The following RABGEF1 variants were observed in gnomAD, a reference collection of about 807,000 sequenced individuals.
RABGEF1 encodes rab5 GDP/GTP exchange factor.
In RABGEF1, 26 loss-of-function variants were observed where a neutral mutation model predicts 57.3. The observed-to-expected ratio is 0.45, with a 90% CI of 0.33 to 0.63. The LOEUF (loss-of-function observed/expected upper bound fraction) is 0.63. RABGEF1 is among the 20% of genes least tolerant of loss of function. RABGEF1 has a pLI of 0.02. For synonymous variants in RABGEF1, 185 were observed against 210.7 expected, an observed-to-expected ratio of 0.88 and a Z score of 1.06; for missense variants, 464 against 607.6, an observed-to-expected ratio of 0.76 and a Z score of 2.48.
intron 1 of RABGEF1, among the ~76,000 whole-genome samples, chr7:66,746,986 G>A (rs1300393019): frequency 6.6e-6 from 1 of 151,924 alleles, no homozygotes; most frequent in Non-Finnish European, 1.5e-5. Flanking sequence ...TAGAGACGGG[G>A]TTTCACCATG....
chr7:66,711,403 TA>T (rs1441763637), intron 1 of RABGEF1, among the ~76,000 whole-genome samples: 1 of 149,230 alleles, frequency 6.7e-6, no homozygotes, highest in Admixed American at 6.7e-5. Flanking sequence ...CTTTTTGTGC[TA>T]ATTTTTTTTT....
intron 1 of RABGEF1, among the ~76,000 whole-genome samples, chr7:66,703,974 G>A (rs999785014): frequency 6.6e-6 from 1 of 152,188 alleles, no homozygotes; most frequent in Non-Finnish European, 1.5e-5. Context: ...TTTCAACAAT[G>A]TTGTGTACTT....
chr7:66,788,242 C>T (rs1811692946), intron 4 of RABGEF1, among the ~76,000 whole-genome samples: 1 of 152,004 alleles, frequency 6.6e-6, no homozygotes, highest in African/African-American at 2.4e-5. Flanking sequence ...GTCAGGATTT[C>T]GAGACCAGCC....
intron 1 of RABGEF1, among the ~76,000 whole-genome samples, chr7:66,691,513 A>T (rs1011033528): frequency 6.6e-6 from 1 of 152,128 alleles, no homozygotes; most frequent in Non-Finnish European, 1.5e-5. Context: ...CAAAAAACAT[A>T]TACACATGGT....
At chr7:66,785,664 G>A (rs1810993808) in intron 4 of RABGEF1, among the ~76,000 whole-genome samples, 1 of 152,122 alleles carries the variant, frequency 6.6e-6, no homozygotes, top group Admixed American at 6.5e-5. Flanking sequence ...CACAAGGTCA[G>A]GAGATAGAGA....
intron 1 of RABGEF1, among the ~76,000 whole-genome samples, chr7:66,761,285 C>T (rs1274373696): frequency 1.3e-5 from 2 of 152,198 alleles, no homozygotes; most frequent in African/African-American, 4.8e-5. Flanking sequence ...AGTGCCCCTC[C>T]TAACCCCCAT....
At chr7:66,803,316 T>C (rs1337705811) in intron 7 of RABGEF1, among the ~76,000 whole-genome samples, 2 of 152,228 alleles carry the variant, frequency 1.3e-5, no homozygotes, top group African/African-American at 4.8e-5. Flanking sequence ...AGGGATGATC[T>C]AAAAGCTGAA....
chr7:66,684,887 G>A (rs1326479716), intron 1 of RABGEF1, among the ~76,000 whole-genome samples: 8 of 152,054 alleles, frequency 5.3e-5, no homozygotes, highest in Non-Finnish European at 1.2e-4. Flanking sequence ...TGCCCGCTTC[G>A]GCCTTCCAAA....
At chr7:66,677,664 A>C (rs527285967), upstream of RABGEF1, among the ~76,000 whole-genome samples, 1 of 150,460 alleles carries the variant, frequency 6.6e-6, no homozygotes, top group Admixed American at 6.7e-5. Flanking sequence ...CGGGAGGCTG[A>C]GGCAGGAGAA....
At chr7:66,659,488 C>G in the RABGEF1 span, among the ~76,000 whole-genome samples, 1 of 147,824 alleles carries the variant, frequency 6.8e-6, no homozygotes, top group Non-Finnish European at 1.5e-5. Context: ...AAAGAAAACA[C>G]TGCCCAACTG....
At chr7:66,807,863 C>G (rs1346711194) in intron 8 of RABGEF1, 2 of 152,062 alleles carry the variant, frequency 1.3e-5, no homozygotes, top group African/African-American at 4.8e-5. Flanking sequence ...CGACTGTTTC[C>G]CAGGCTGGTC....
At chr7:66,698,326 AAC>A (rs1224450791) in intron 1 of RABGEF1, among the ~76,000 whole-genome samples, 3 of 152,140 alleles carry the variant, frequency 2.0e-5, no homozygotes, top group Non-Finnish European at 4.4e-5. Context: ...CTCTGATCAG[AAC>A]CCCCAGGGCA....
rs1346393349 is a variant in RABGEF1, at chr7:66,797,275, A to AT, written c.596-99_596-98insT. On this transcript the variant is annotated intron_variant, in intron 5 of 8. Transcript: ENST00000284957. ...GCCAAGGTCATGCTGCTGCACTCCAACCTGGGCGACAGAGCCAGACTCTTT... is the reference window on the plus strand; with the variant it reads ...GCCAAGGTCATGCTGCTGCACTCCAATCCTGGGCGACAGAGCCAGACTCTTT... 1.5e-5 allele frequency: 20 copies of AT among 1,300,180 alleles called. No individual in the cohort carries two copies. In the African/African-American group the frequency reaches 3.1e-4, roughly 20 times the overall value. The allele number at this position is 1,300,180 out of a possible 1,614,324, so 80.5% of individuals were successfully genotyped here. A position where few individuals can be genotyped will look rare whatever the true frequency, so the allele number is the denominator to read the frequency against.
chr7:66,795,360 G>C (rs1813777003), intron 4 of RABGEF1, 151 bp from the exon 5 acceptor site: 1 of 638,610 alleles, frequency 1.6e-6, no homozygotes, highest in Admixed American at 2.5e-5. Flanking sequence ...TAATGGATAG[G>C]TTTTACTCTC....
chr7:66,716,015 A>G (rs746456799), intron 2 of RABGEF1, among the ~76,000 whole-genome samples: 18 of 152,126 alleles, frequency 1.2e-4, no homozygotes, highest in Non-Finnish European at 2.2e-4. Flanking sequence ...CTGATTTTCT[A>G]TCTGTTCTGT....
Position 66,810,810 on chromosome 7 carries a change from C to A in RABGEF1, c.*1526C>A, listed in dbSNP as rs536703324. 31 of 152,248 alleles carry A rather than the reference C, an allele frequency of 2.0e-4. 1 individual carries two copies. Among genetic ancestry groups the A allele is most frequent in the African/African-American group, 7.2e-4 (30 of 41,542 alleles). The allele number at this position is 152,248 out of a possible 1,614,324, so 9.4% of individuals were successfully genotyped here. A position where few individuals can be genotyped will look rare whatever the true frequency, so the allele number is the denominator to read the frequency against. ...TCCAGTATCTTCCTAAGGATGGAGCCCAAAATTGCAGAGCAGTAACTTTGG... is the reference window on the plus strand; with the variant it reads ...TCCAGTATCTTCCTAAGGATGGAGCACAAAATTGCAGAGCAGTAACTTTGG... On this transcript the variant is annotated 3_prime_UTR_variant, in exon 9 of 9. Transcript: ENST00000284957.
chr7:66,787,462 G>C (rs1483625319), intron 4 of RABGEF1, among the ~76,000 whole-genome samples: 1 of 150,098 alleles, frequency 6.7e-6, no homozygotes, highest in Non-Finnish European at 1.5e-5. Context: ...TTATGCCCCA[G>C]CCTCCCGCAT....
chr7:66,769,898 CT>C (rs1274171127), intron 1 of RABGEF1, among the ~76,000 whole-genome samples: 1 of 152,152 alleles, frequency 6.6e-6, no homozygotes, highest in Non-Finnish European at 1.5e-5. Flanking sequence ...TGCTTCTGAG[CT>C]TTTTGTGAAA....
At chr7:66,792,034 C>A (rs1361704568) in intron 4 of RABGEF1, among the ~76,000 whole-genome samples, 1 of 151,764 alleles carries the variant, frequency 6.6e-6, no homozygotes, top group Non-Finnish European at 1.5e-5. Flanking sequence ...ATTGCTTGAA[C>A]CTGGGAGGCG....
Sources: allele counts gnomAD v4.1 joint callset (sites outside exome capture counted in the v4.1 genomes callset), GRCh38; gene constraint gnomAD v4.1.1; transcripts MANE v1.5; gene names NCBI Gene and HGNC (gene_info 2026-07-23, HGNC 2026-07-21).